Variants in RBFOX1 observed in about 807,000 individuals in gnomAD.
The protein encoded by RBFOX1 is RNA binding fox-1 homolog 1.
In RBFOX1, 8 loss-of-function variants were observed where a neutral mutation model predicts 57.7. The observed-to-expected ratio is 0.14, with a 90% CI of 0.08 to 0.25. RBFOX1 has a LOEUF of 0.25. RBFOX1 is among the 10% of genes least tolerant of loss of function. The pLI is 1.00. For missense variants in RBFOX1, 611 were observed against 548.5 expected (o/e 1.11, Z -1.14); for synonymous variants, 326 against 222.4 (o/e 1.47, Z -4.15).
At chr16:6,860,703 A>G (rs1223642428) in intron 3 of RBFOX1, among the ~76,000 whole-genome samples, 1 of 152,210 alleles carries the variant, frequency 6.6e-6, no homozygotes, top group Non-Finnish European at 1.5e-5. Context: ...CTGGTGTGTC[A>G]TGTTAAAATA....
intron 5 of RBFOX1, among the ~76,000 whole-genome samples, chr16:7,568,846 CA>C (rs1198114571): frequency 1.4e-5 from 2 of 138,326 alleles, no homozygotes; most frequent in Non-Finnish European, 3.0e-5. Flanking sequence ...GAGATCACGC[CA>C]CTGCACTCCA....
At chr16:5,949,405 A>T (rs2059472038) in intron 4 of RBFOX1, among the ~76,000 whole-genome samples, 2 of 151,814 alleles carry the variant, frequency 1.3e-5, no homozygotes, top group African/African-American at 4.8e-5. Flanking sequence ...GGGCGCCTGT[A>T]GTCCCAGCTA....
chr16:7,544,512 C>G (rs1047693083), intron 5 of RBFOX1, among the ~76,000 whole-genome samples: 1 of 152,050 alleles, frequency 6.6e-6, no homozygotes, highest in African/African-American at 2.4e-5. Flanking sequence ...TCAAGACGCA[C>G]AAAGGTAAGA....
intron 2 of RBFOX1, among the ~76,000 whole-genome samples, chr16:6,360,478 C>T (rs71392472): frequency 4.5e-4 from 68 of 152,142 alleles, no homozygotes; most frequent in Non-Finnish European, 7.6e-4. Flanking sequence ...GATGGATTTA[C>T]AGCTTACACC....
chr16:6,367,904 C>G (rs547550260), intron 2 of RBFOX1, among the ~76,000 whole-genome samples: 1 of 152,322 alleles, frequency 6.6e-6, no homozygotes, highest in African/African-American at 2.4e-5. Flanking sequence ...AACTCAAACC[C>G]TTGTTGTTCC....
At chr16:6,861,550 G>A (rs183965971) in intron 3 of RBFOX1, among the ~76,000 whole-genome samples, 10 of 139,366 alleles carry the variant, frequency 7.2e-5, no homozygotes, top group African/African-American at 1.0e-4. Flanking sequence ...AACTGGGCAC[G>A]TTCAGTGTTA....
At chr16:7,194,859 C>T (rs565645101) in intron 4 of RBFOX1, among the ~76,000 whole-genome samples, 5 of 146,068 alleles carry the variant, frequency 3.4e-5, no homozygotes, top group Admixed American at 2.8e-4. Context: ...GCCTGGGAGG[C>T]AGAGGTTGCT....
intron 4 of RBFOX1, among the ~76,000 whole-genome samples, chr16:7,477,722 G>A (rs539197408): frequency 1.3e-5 from 2 of 152,262 alleles, no homozygotes; most frequent in Admixed American, 6.5e-5. Flanking sequence ...AGACTTCAAG[G>A]TGGCATTGGA....
intron 13 of RBFOX1, among the ~76,000 whole-genome samples, chr16:7,665,983 C>A (rs954604715): frequency 6.6e-6 from 1 of 152,144 alleles, no homozygotes; most frequent in Non-Finnish European, 1.5e-5. Flanking sequence ...AGTATACTTA[C>A]TATAATCTGT....
chr16:5,715,423 A>G (rs539358165), intron 3 of RBFOX1, among the ~76,000 whole-genome samples: 9 of 152,320 alleles, frequency 5.9e-5, no homozygotes, highest in African/African-American at 9.6e-5. Context: ...CACCACATTG[A>G]AGGATATTTA....
chr16:5,307,523 C>T (rs911352069), intron 1 of RBFOX1, among the ~76,000 whole-genome samples: 3 of 152,158 alleles, frequency 2.0e-5, no homozygotes, highest in African/African-American at 7.2e-5. Flanking sequence ...CTGAGGGTGC[C>T]ACCCTCACCC....
At chr16:5,974,541 C>G (rs773801938) in intron 4 of RBFOX1, among the ~76,000 whole-genome samples, 8 of 151,978 alleles carry the variant, frequency 5.3e-5, no homozygotes, top group Admixed American at 5.2e-4. Flanking sequence ...ACCCGGGAGG[C>G]GGAGGTTGCA....
intron 4 of RBFOX1, among the ~76,000 whole-genome samples, chr16:7,440,851 G>A (rs544713943): frequency 2.6e-5 from 4 of 152,164 alleles, no homozygotes; most frequent in East Asian, 3.9e-4. Context: ...AGGGTCCAGC[G>A]TGGCCTAATA....
At chr16:6,417,680 A>G (rs1200030250) in intron 2 of RBFOX1, among the ~76,000 whole-genome samples, 1 of 146,624 alleles carries the variant, frequency 6.8e-6, no homozygotes, top group African/African-American at 2.6e-5. Context: ...GTGAGCCACC[A>G]TGTCTGGCCT....
chr16:7,661,421 A>G (rs1346014778), intron 12 of RBFOX1, among the ~76,000 whole-genome samples: 2 of 151,908 alleles, frequency 1.3e-5, no homozygotes. Flanking sequence ...GCCTTGCAGT[A>G]CCCTCACCCC....
At position 6,575,789 on chromosome 16, in the gene RBFOX1, G is replaced by A. The variant is rs369348366; in HGVS notation, c.-63-78814G>A. 8.6e-5 allele frequency among the ~76,000 whole-genome samples: 13 copies of A among 151,504 alleles called. No homozygotes were observed. In the South Asian group the frequency reaches 1.5e-3, roughly 17 times the overall value. Reference sequence around the variant, plus strand: ...GGAGAATCGCTTGAACCCAGGAGGTGGAGGTTGTAGTTAGCCAAGATCACA... The same window carrying A: ...GGAGAATCGCTTGAACCCAGGAGGTAGAGGTTGTAGTTAGCCAAGATCACA... On this transcript the variant is annotated intron_variant, in intron 2 of 15. Coordinates refer to ENST00000550418, the MANE Select transcript of RBFOX1 (RefSeq NM_018723.4).
intron 1 of RBFOX1, among the ~76,000 whole-genome samples, chr16:6,214,447 G>T (rs2097318217): frequency 7.3e-6 from 1 of 137,126 alleles, no homozygotes; most frequent in African/African-American, 2.7e-5. Context: ...GGACAGAGAA[G>T]GTGAGAGGGA....
At chr16:6,822,999 ACTTTG>A (rs1349669629) in intron 3 of RBFOX1, among the ~76,000 whole-genome samples, 5 of 151,952 alleles carry the variant, frequency 3.3e-5, no homozygotes, top group Non-Finnish European at 7.4e-5. Flanking sequence ...ACGTGTAGAT[ACTTTG>A]CTTAGTACTG....
chr16:5,454,968 T>C (rs529512239), intron 1 of RBFOX1, among the ~76,000 whole-genome samples: 61 of 74,802 alleles, frequency 8.2e-4, no homozygotes, highest in African/African-American at 2.9e-3. Flanking sequence ...CCTTTCTTTC[T>C]TTCTTTCTTT....
Sources: gnomAD v4.1 joint callset for allele counts (sites outside exome capture counted in the v4.1 genomes callset) on GRCh38, gnomAD v4.1.1 for gene constraint, MANE v1.5 for transcripts, NCBI Gene and HGNC (gene_info 2026-07-23, HGNC 2026-07-21) for gene names.